Variants in SLC38A10 observed in about 807,000 individuals in gnomAD.
The protein encoded by SLC38A10 is solute carrier family 38 member 10, also known as Sodium-coupled neutral amino acid transporter 10.
A neutral mutation model predicts 81.0 loss-of-function variants in SLC38A10; 53 were observed. That is an observed-to-expected ratio of 0.65 (90% CI 0.53 to 0.82). The LOEUF is 0.82. SLC38A10 is among the 40% of genes least tolerant of loss of function. The pLI is 0.00. For missense variants in SLC38A10, 1,471 were observed against 1,545.0 expected (o/e 0.95, Z 0.80); for synonymous variants, 665 against 655.3 (o/e 1.01, Z -0.23).
intron 10 of SLC38A10, among the ~76,000 whole-genome samples, chr17:81,262,015 A>G (rs1042763885): frequency 5.3e-5 from 8 of 152,236 alleles, no homozygotes; most frequent in African/African-American, 1.7e-4. Flanking sequence ...AGTGAAGGGA[A>G]GAGTCCCAGG....
At chr17:81,293,502 T>C (rs536402573) in intron 1 of SLC38A10, among the ~76,000 whole-genome samples, 1 of 152,208 alleles carries the variant, frequency 6.6e-6, no homozygotes, top group Non-Finnish European at 1.5e-5. Context: ...GATGGGGTAC[T>C]GTTGTGTTGC....
intron 10 of SLC38A10, chr17:81,263,333 A>C (rs1198651590): frequency 6.6e-6 from 1 of 152,306 alleles, no homozygotes; most frequent in African/African-American, 2.4e-5. Context: ...TGCCACGTAC[A>C]CACCTGCTGC....
chr17:81,267,046 G>A (rs1271757672), intron 10 of SLC38A10, among the ~76,000 whole-genome samples: 2 of 152,204 alleles, frequency 1.3e-5, no homozygotes, highest in Admixed American at 6.5e-5. Context: ...TTACCAGGGT[G>A]TGGCAACTAA....
intron 10 of SLC38A10, chr17:81,264,261 CCAGCCCT>C (rs1217236060): frequency 6.5e-6 from 1 of 152,894 alleles, no homozygotes; most frequent in African/African-American, 2.4e-5. Flanking sequence ...AGCCCAGCCT[CCAGCCCT>C]GTACTTCCAG....
In SLC38A10 at chr17:81,258,270, C is replaced by T. The variant is rs2062990544; in HGVS notation, c.1288+1968G>A. ...GCGCACATCGGTGCAGGACCCTCGA[C>T]CCCAGCTCAGCCTCAGCCCGGCAGC... On this transcript the variant is annotated intron_variant, in intron 11 of 15. Transcript: ENST00000374759. Among the ~76,000 whole-genome samples, 4 of 152,208 alleles carry T rather than the reference C, an allele frequency of 2.6e-5. No individual in the cohort carries two copies. The South Asian group carries it at 8.3e-4, about 32-fold the overall frequency.
rs372770204 is a variant in SLC38A10 at position 81,284,868 on chromosome 17, T to C, written c.245A>G (p.Lys82Arg). The C allele has an allele frequency of 1.8e-5, 28 of 1,545,050 alleles. No homozygotes were observed. The highest frequency in any genetic ancestry group is 2.4e-5 in the Non-Finnish European group (28 of 1,144,060). The change falls in exon 3 of 16, where the codon AAG becomes AGG. Residue 82 changes from lysine (K) to arginine (R), a missense_variant. Physicochemically the swap from Lys to Arg is conservative, Grantham distance 26. Coordinates refer to ENST00000374759, the MANE Select transcript of SLC38A10 (RefSeq NM_001037984.3). ...GGCTTACCTGGTCTCCACCAGCATC[T>C]TGCCTGCCTTCCCGTAGGCGTGGAA... ...LAFHAYGKAG[K>R]MLVETSMIGL...
At chr17:81,280,766 G>C (rs2063204347) in intron 5 of SLC38A10, 33 bp from the exon 6 acceptor site, 4 of 1,588,772 alleles carry the variant, frequency 2.5e-6, no homozygotes, top group Non-Finnish European at 3.4e-6. Flanking sequence ...GCACGGGGCA[G>C]GTCAGGACGC....
At chr17:81,254,209 A>G (rs2062951938) in intron 11 of SLC38A10, among the ~76,000 whole-genome samples, 1 of 152,202 alleles carries the variant, frequency 6.6e-6, no homozygotes, top group Admixed American at 6.5e-5. Flanking sequence ...TCCAGTTCAG[A>G]GCAGCAGATG....
chr17:81,292,466 A>C (rs926993980), intron 1 of SLC38A10, among the ~76,000 whole-genome samples: 4 of 152,122 alleles, frequency 2.6e-5, no homozygotes, highest in Non-Finnish European at 4.4e-5. Context: ...AAACAAAAAA[A>C]AAAACACTAA....
At chr17:81,294,157 A>G (rs966515178) in intron 1 of SLC38A10, among the ~76,000 whole-genome samples, 1 of 152,068 alleles carries the variant, frequency 6.6e-6, no homozygotes, top group Admixed American at 6.6e-5. Flanking sequence ...CAGCCTCCCA[A>G]GTATCTGGGA....
chr17:81,282,415 G>T, intron 4 of SLC38A10, 83 bp from the exon 5 acceptor site: 1 of 1,515,322 alleles, frequency 6.6e-7, no homozygotes. Flanking sequence ...GAGTGGGAGC[G>T]CCCCGAGCCC....
intron 14 of SLC38A10, 155 bp from the exon 15 acceptor site, chr17:81,247,216 G>C (rs150919822): frequency 2.6e-6 from 2 of 771,656 alleles, no homozygotes; most frequent in Non-Finnish European, 2.0e-6. Context: ...GACTGTGACC[G>C]TGAAGCCCGG....
intron 10 of SLC38A10, among the ~76,000 whole-genome samples, chr17:81,268,998 A>G (rs1372953679): frequency 6.6e-6 from 1 of 152,276 alleles, no homozygotes; most frequent in Non-Finnish European, 1.5e-5. Flanking sequence ...TACAAAGCCA[A>G]CTTTAAGGAG....
At chr17:81,272,432 C>A in intron 9 of SLC38A10, 84 bp downstream of exon 9, 2 of 766,774 alleles carry the variant, frequency 2.6e-6, no homozygotes, top group Non-Finnish European at 4.1e-6. Context: ...GGTCTCTGTG[C>A]AGGTCTCGTA....
At chr17:81,287,142 C>T (rs189138421) in intron 2 of SLC38A10, among the ~76,000 whole-genome samples, 11 of 152,166 alleles carry the variant, frequency 7.2e-5, no homozygotes, top group Middle Eastern at 3.4e-3. Context: ...ATACAAACAC[C>T]AACAAAAAAC....
chr17:81,247,337 T>A lies in SLC38A10; in HGVS notation c.2066-276A>T, dbSNP rs140730191. The A allele has an allele frequency of 3.7e-3, 1,261 of 338,224 alleles. 28 individuals are homozygous for A. In the East Asian group the frequency reaches 0.043, roughly 11 times the overall value. 21.0% of individuals were successfully genotyped at this position (338,224 alleles called of 1,614,324 possible). ...CCGCACAGCCAGCCACTGTGCCGCA[T>A]CAGTTCTCCCACTGGCTGTGCCCCA... is the stretch of plus-strand genomic sequence containing the variant. On this transcript the variant is annotated intron_variant, in intron 14 of 15. Transcript: ENST00000374759.
In SLC38A10 at chr17:81,277,877, C is replaced by A. The variant is rs2146938224; in HGVS notation, c.627-744G>T. Among the ~76,000 whole-genome samples, 1 of 152,320 alleles carries A rather than the reference C, an allele frequency of 6.6e-6. No individual in the cohort carries two copies. The highest frequency in any genetic ancestry group is 2.1e-4 in the South Asian group (1 of 4,830). ...CCGGGGAGAAGGGAGTTGGGCCAGG[C>A]ACACGCCAGAGCACAGGTGAGAGCT... On this transcript the variant is annotated intron_variant, in intron 6 of 15. Transcript: ENST00000374759. The surrounding 1 kb of genome is among the most constrained non-coding windows in gnomAD (Gnocchi z 4.5).
intron 8 of SLC38A10, among the ~76,000 whole-genome samples, chr17:81,275,664 G>A (rs1285358582): frequency 7.7e-5 from 11 of 142,934 alleles, no homozygotes; most frequent in South Asian, 2.1e-4. Flanking sequence ...CCCGGGAGGC[G>A]GAGCTTGCAG....
At chr17:81,259,564 G>T (rs899703341) in intron 11 of SLC38A10, among the ~76,000 whole-genome samples, 14 of 152,322 alleles carry the variant, frequency 9.2e-5, no homozygotes, top group East Asian at 7.7e-4. Flanking sequence ...GGCCTGGGAG[G>T]GTCAGGGAGG....
Sources: gnomAD v4.1 joint callset for allele counts (sites outside exome capture counted in the v4.1 genomes callset) on GRCh38, gnomAD v4.1.1 for gene constraint, Gnocchi (gnomAD v3.1) non-coding constraint, MANE v1.5 for transcripts, NCBI Gene and HGNC (gene_info 2026-07-23, HGNC 2026-07-21) for gene names.